TSPAN5: variants seen among roughly 807,000 people sequenced by gnomAD.
The protein encoded by TSPAN5 is tetraspanin-5.
A neutral mutation model predicts 37.1 loss-of-function variants in TSPAN5; 10 were observed. The observed-to-expected ratio is 0.27, with a 90% CI of 0.17 to 0.46. The LOEUF (loss-of-function observed/expected upper bound fraction) is 0.46. Among genes scored for constraint, TSPAN5 ranks in the 20% least tolerant of loss-of-function variants. The probability of loss-of-function intolerance (pLI) is 1.00; values close to 1 mark genes in which losing one functional copy is unlikely to be tolerated. For missense variants in TSPAN5, 195 were observed against 326.6 expected (o/e 0.60, Z 3.11); for synonymous variants, 110 against 118.9 (o/e 0.93, Z 0.48).
intron 1 of TSPAN5, among the ~76,000 whole-genome samples, chr4:98,520,634 T>A (rs182801822): frequency 1.3e-5 from 2 of 152,314 alleles, no homozygotes; most frequent in Non-Finnish European, 2.9e-5. Context: ...AATGATAGTC[T>A]CCTCAAGTGT....
At chr4:98,622,571 A>T (rs1244092889) in intron 1 of TSPAN5, among the ~76,000 whole-genome samples, 1 of 152,158 alleles carries the variant, frequency 6.6e-6, no homozygotes, top group Non-Finnish European at 1.5e-5. Flanking sequence ...AGCAAATGAG[A>T]TATTGAGTTG....
chr4:98,525,220 T>C (rs1227905230), intron 1 of TSPAN5, among the ~76,000 whole-genome samples: 3 of 152,214 alleles, frequency 2.0e-5, no homozygotes, highest in Non-Finnish European at 4.4e-5. Context: ...AAATGTGAGA[T>C]GTGGTGTACA....
intron 1 of TSPAN5, among the ~76,000 whole-genome samples, chr4:98,538,002 C>T (rs1754275985): frequency 6.6e-6 from 1 of 152,248 alleles, no homozygotes; most frequent in Non-Finnish European, 1.5e-5. Context: ...GGGCTCAGCC[C>T]CATGCTCTGT....
chr4:98,551,808 A>AAT (rs1362656171), intron 1 of TSPAN5, among the ~76,000 whole-genome samples: 1 of 151,694 alleles, frequency 6.6e-6, no homozygotes, highest in Non-Finnish European at 1.5e-5. Flanking sequence ...CCTCCTTTGT[A>AAT]TGTTTGAAAG....
At chr4:98,518,682 A>G (rs1275362693) in intron 1 of TSPAN5, among the ~76,000 whole-genome samples, 1 of 152,270 alleles carries the variant, frequency 6.6e-6, no homozygotes, top group Non-Finnish European at 1.5e-5. Context: ...AGAGAGAGCC[A>G]GACAAGGCAC....
At chr4:98,496,725 A>C (rs937295232) in intron 2 of TSPAN5, 1 of 152,242 alleles carries the variant, frequency 6.6e-6, no homozygotes, top group African/African-American at 2.4e-5. Context: ...ATCAGCGTGG[A>C]AACAGCCACA....
chr4:98,536,434 C>T (rs530920893), intron 1 of TSPAN5, among the ~76,000 whole-genome samples: 2 of 152,266 alleles, frequency 1.3e-5, no homozygotes, highest in African/African-American at 4.8e-5. Flanking sequence ...ATGAGGTGTC[C>T]GTCGGCCCCT....
intron 1 of TSPAN5, among the ~76,000 whole-genome samples, chr4:98,603,864 GAGAACAGAAA>G (rs1216735351): frequency 6.6e-6 from 1 of 152,168 alleles, no homozygotes; most frequent in Non-Finnish European, 1.5e-5. Flanking sequence ...CCAGTCATCA[GAGAACAGAAA>G]AGCCACAAAA....
chr4:98,489,242 C>T (rs1296181021), intron 2 of TSPAN5, among the ~76,000 whole-genome samples: 2 of 152,160 alleles, frequency 1.3e-5, no homozygotes, highest in African/African-American at 4.8e-5. Flanking sequence ...ATAAGAATTC[C>T]TAAGCCTAGC....
intron 1 of TSPAN5, among the ~76,000 whole-genome samples, chr4:98,548,201 A>G (rs1192293154): frequency 1.3e-5 from 2 of 152,080 alleles, no homozygotes; most frequent in African/African-American, 4.8e-5. Context: ...GAACACATTC[A>G]TGGCAAAAAA....
chr4:98,620,022 G>A (rs868109707), intron 1 of TSPAN5, among the ~76,000 whole-genome samples: 1 of 152,254 alleles, frequency 6.6e-6, no homozygotes, highest in Non-Finnish European at 1.5e-5. Flanking sequence ...ACATTTAGAC[G>A]TAGCATGGAG....
At chr4:98,484,159 T>C (rs1752909330) in intron 3 of TSPAN5, 1 of 252,426 alleles carries the variant, frequency 4.0e-6, no homozygotes, top group Admixed American at 5.1e-5. Flanking sequence ...ATTCAATTCA[T>C]ATAAAATATT....
At chr4:98,603,124 C>G (rs774665935) in intron 1 of TSPAN5, among the ~76,000 whole-genome samples, 1 of 152,212 alleles carries the variant, frequency 6.6e-6, no homozygotes, top group Non-Finnish European at 1.5e-5. Flanking sequence ...TCAAAAGTCT[C>G]AGGTTCTTTT....
intron 1 of TSPAN5, among the ~76,000 whole-genome samples, chr4:98,537,173 T>G (rs1296064784): frequency 6.6e-6 from 1 of 152,190 alleles, no homozygotes; most frequent in Non-Finnish European, 1.5e-5. Flanking sequence ...GCGAAGACTG[T>G]GGAACAAGCG....
intron 1 of TSPAN5, among the ~76,000 whole-genome samples, chr4:98,541,101 A>G (rs1754346642): frequency 6.6e-6 from 1 of 152,204 alleles, no homozygotes; most frequent in African/African-American, 2.4e-5. Flanking sequence ...CCCATAAAAT[A>G]GTGACAAAAC....
intron 1 of TSPAN5, among the ~76,000 whole-genome samples, chr4:98,655,137 G>A (rs1413251626): frequency 1.3e-5 from 2 of 152,104 alleles, no homozygotes; most frequent in Non-Finnish European, 2.9e-5. Flanking sequence ...GAGCCACCGC[G>A]CCCAGCCTTG....
chr4:98,555,881 C>T (rs1202268000), intron 1 of TSPAN5, among the ~76,000 whole-genome samples: 3 of 152,112 alleles, frequency 2.0e-5, no homozygotes, highest in Non-Finnish European at 2.9e-5. Flanking sequence ...AAGGATCCAC[C>T]ACACTGTTAG....
At chr4:98,587,222 C>A (rs1334933756) in intron 1 of TSPAN5, among the ~76,000 whole-genome samples, 1 of 152,214 alleles carries the variant, frequency 6.6e-6, no homozygotes, top group African/African-American at 2.4e-5. Flanking sequence ...GGGACATGGG[C>A]AGAGAAGAAG....
At chr4:98,604,511 T>C (rs1755959674) in intron 1 of TSPAN5, among the ~76,000 whole-genome samples, 1 of 152,194 alleles carries the variant, frequency 6.6e-6, no homozygotes, top group Non-Finnish European at 1.5e-5. Context: ...CATGACATGA[T>C]ATGTATTAAT....
Sources: allele counts gnomAD v4.1 joint callset (sites outside exome capture counted in the v4.1 genomes callset), GRCh38; gene constraint gnomAD v4.1.1; transcripts MANE v1.5; gene names NCBI Gene and HGNC (gene_info 2026-07-23, HGNC 2026-07-21).